CGRRF1: variants seen among roughly 807,000 people sequenced by gnomAD.
CGRRF1 encodes cell growth regulator with RING finger domain protein 1.
A neutral mutation model predicts 37.2 loss-of-function variants in CGRRF1; 32 were observed. The observed-to-expected ratio is 0.86, with a 90% CI of 0.65 to 1.16. The LOEUF (loss-of-function observed/expected upper bound fraction) is 1.16. CGRRF1 is among the 50% of genes most tolerant of loss of function. CGRRF1 has a pLI of 0.00. For missense variants in CGRRF1, 391 were observed against 382.6 expected (o/e 1.02, Z -0.18); for synonymous variants, 141 against 140.3 (o/e 1.00, Z -0.04).
chr14:54,512,888 TCTC>T (rs2032152736), intron 1 of CGRRF1, among the ~76,000 whole-genome samples: 2 of 152,220 alleles, frequency 1.3e-5, no homozygotes, highest in South Asian at 4.1e-4. Flanking sequence ...TTCTCTTTAT[TCTC>T]TTTTCTCTGT....
chr14:54,527,589 T>G (rs2032434187), intron 2 of CGRRF1, among the ~76,000 whole-genome samples: 1 of 152,146 alleles, frequency 6.6e-6, no homozygotes, highest in Non-Finnish European at 1.5e-5. Context: ...CTGACACTCT[T>G]CCCATTTTAG....
chr14:54,528,774 C>G (rs1345959948), intron 2 of CGRRF1, among the ~76,000 whole-genome samples: 1 of 152,104 alleles, frequency 6.6e-6, no homozygotes, highest in African/African-American at 2.4e-5. Context: ...AAAGCCTGCT[C>G]CAATTAACCT....
chr14:54,520,420 A>G (rs1169763355), intron 1 of CGRRF1, among the ~76,000 whole-genome samples: 3 of 152,170 alleles, frequency 2.0e-5, no homozygotes, highest in African/African-American at 7.2e-5. Flanking sequence ...GGTGTGAGCC[A>G]CCGCACCCGG....
intron 4 of CGRRF1, among the ~76,000 whole-genome samples, chr14:54,533,209 T>G (rs1015887737): frequency 5.9e-5 from 9 of 152,130 alleles, no homozygotes; most frequent in Non-Finnish European, 1.2e-4. Context: ...TTTTTGTGTG[T>G]GTGTTTTCAG....
intron 2 of CGRRF1, 94 bp from the exon 3 acceptor site, chr14:54,529,955 A>G: frequency 1.0e-6 from 1 of 987,536 alleles, no homozygotes; most frequent in Non-Finnish European, 1.5e-6. Flanking sequence ...CATCCTGGCC[A>G]GCATCCAAAA....
chr14:54,527,755 C>CT (rs374964366), intron 2 of CGRRF1, among the ~76,000 whole-genome samples: 13,038 of 142,258 alleles, frequency 0.092, 614 homozygotes, highest in African/African-American at 0.11. Flanking sequence ...TTCCATTGTT[C>CT]TTTTTTTTTT....
At chr14:54,522,338 C>A (rs975845588) in intron 1 of CGRRF1, 116 bp from the exon 2 acceptor site, 5 of 679,512 alleles carry the variant, frequency 7.4e-6, no homozygotes, top group Non-Finnish European at 1.1e-5. Context: ...AGAAATTTAA[C>A]CTCTTTCTGA....
chr14:54,517,992 T>C (rs918484981), intron 1 of CGRRF1, among the ~76,000 whole-genome samples: 2 of 152,258 alleles, frequency 1.3e-5, no homozygotes, highest in Admixed American at 1.3e-4. Flanking sequence ...CTGTGGTGCA[T>C]ATGTACCACA....
intron 2 of CGRRF1, among the ~76,000 whole-genome samples, chr14:54,524,120 C>G (rs1350467125): frequency 6.6e-6 from 1 of 152,158 alleles, no homozygotes; most frequent in South Asian, 2.1e-4. Flanking sequence ...TCACTAATTA[C>G]GACTTCTGCC....
intron 1 of CGRRF1, among the ~76,000 whole-genome samples, chr14:54,519,391 C>T (rs1399660406): frequency 6.6e-6 from 1 of 151,774 alleles, no homozygotes; most frequent in Non-Finnish European, 1.5e-5. Context: ...GTGTACACCA[C>T]CATGCCCAAC....
intron 2 of CGRRF1, among the ~76,000 whole-genome samples, chr14:54,528,688 C>T (rs1217092144): frequency 6.6e-6 from 1 of 152,148 alleles, no homozygotes; most frequent in African/African-American, 2.4e-5. Flanking sequence ...TGTTTTCCTT[C>T]AGCTATTTAA....
chr14:54,523,743 G>A (rs1486341515), intron 2 of CGRRF1, among the ~76,000 whole-genome samples: 1 of 152,090 alleles, frequency 6.6e-6, no homozygotes, highest in Non-Finnish European at 1.5e-5. Flanking sequence ...AGAAAGAATA[G>A]CAAGTTTCCA....
intron 2 of CGRRF1, among the ~76,000 whole-genome samples, chr14:54,529,527 G>A (rs990441169): frequency 6.6e-6 from 1 of 152,164 alleles, no homozygotes; most frequent in African/African-American, 2.4e-5. Context: ...TCTGTGACAA[G>A]CCTGTATGTT....
At chr14:54,521,217 T>C (rs944297688) in intron 1 of CGRRF1, among the ~76,000 whole-genome samples, 4 of 152,072 alleles carry the variant, frequency 2.6e-5, no homozygotes, top group African/African-American at 2.4e-5. Flanking sequence ...TCCCAGCACT[T>C]TGGGAGGCTG....
chr14:54,529,901 G>A lies in CGRRF1; in HGVS notation c.245-148G>A, dbSNP rs112091522. On this transcript the variant is annotated intron_variant, in intron 2 of 5. Transcript: ENST00000216420. ...TCTTGTTACAGAGGCCAGTTCCTTC[G>A]TTTATAGGAGGCATACCCTTTAACA... 272 of 533,004 alleles carry A rather than the reference G, an allele frequency of 5.1e-4. 4 individuals are homozygous for A. Among genetic ancestry groups the A allele is most frequent in the African/African-American group, 4.1e-3 (215 of 52,554 alleles). The allele number at this position is 533,004 out of a possible 1,614,324, so 33.0% of individuals were successfully genotyped here. A position where few individuals can be genotyped will look rare whatever the true frequency, so the allele number is the denominator to read the frequency against.
At chr14:54,531,319 A>G (rs1031529882) in intron 4 of CGRRF1, among the ~76,000 whole-genome samples, 1 of 151,872 alleles carries the variant, frequency 6.6e-6, no homozygotes, top group Non-Finnish European at 1.5e-5. Context: ...ATTAACACCT[A>G]TTTGGTTGTA....
rs143950400 is a variant in CGRRF1 at position 54,535,359 on chromosome 14, T to TCACACACACACACACACACA, written c.571-2347_571-2328dup. On this transcript the variant is annotated intron_variant, in intron 4 of 5. Transcript: ENST00000216420. ...ACATGAGCATTTTTGAAGGGTATAG[T>TCACACACACACACACACACA]CACACACACACACACACACACACAC... Among the ~76,000 whole-genome samples the TCACACACACACACACACACA allele has an allele frequency of 2.4e-3, 333 of 140,558 alleles. 1 individual carries two copies. The highest frequency in any genetic ancestry group is 0.015 in the East Asian group (68 of 4,584). 92.2% of individuals were successfully genotyped at this position (140,558 alleles called of 152,430 possible).
chr14:54,525,424 T>C (rs2032395891), intron 2 of CGRRF1, among the ~76,000 whole-genome samples: 1 of 152,234 alleles, frequency 6.6e-6, no homozygotes, highest in Non-Finnish European at 1.5e-5. Flanking sequence ...CACTAGTTGC[T>C]AACCAACAGT....
chr14:54,510,056 T>C lies in CGRRF1; in HGVS notation c.97T>C (p.Leu33=), dbSNP rs1029132732. 14 of 1,609,868 alleles carry C rather than the reference T, an allele frequency of 8.7e-6. No individual in the cohort carries two copies. In the African/African-American group the frequency reaches 1.7e-4, roughly 20 times the overall value. ...TCFIVTTGLV[L]GWFGWDVPVI... ...CTTCATCGTGACCACCGGCCTGGTA[T>C]TGGGATGGTAAGTGTCCCAGGGGTG... The change falls in exon 1 of 6, where the codon TTG becomes CTG. Residue 33 remains leucine, a synonymous_variant. Coordinates refer to ENST00000216420, the MANE Select transcript of CGRRF1 (RefSeq NM_006568.3).
Sources: gnomAD v4.1 joint callset for allele counts (sites outside exome capture counted in the v4.1 genomes callset) on GRCh38, gnomAD v4.1.1 for gene constraint, MANE v1.5 for transcripts, NCBI Gene and HGNC (gene_info 2026-07-23, HGNC 2026-07-21) for gene names.